The following MSL2 variants were observed in gnomAD, a reference collection of about 807,000 sequenced individuals.
MSL2 encodes E3 ubiquitin-protein ligase MSL2.
A neutral mutation model predicts 35.8 loss-of-function variants in MSL2; 2 were observed. The observed-to-expected ratio is 0.06, with a 90% CI of 0.02 to 0.18. The LOEUF is 0.18. Among genes scored for constraint, MSL2 ranks in the 10% least tolerant of loss-of-function variants. MSL2 has a pLI of 1.00. For missense variants in MSL2, 523 were observed against 706.7 expected, an observed-to-expected ratio of 0.74 and a Z score of 2.95; for synonymous variants, 296 against 255.7, an observed-to-expected ratio of 1.16 and a Z score of -1.50.
intron 1 of MSL2, among the ~76,000 whole-genome samples, chr3:136,161,014 G>A (rs916751516): frequency 5.9e-5 from 9 of 152,106 alleles, no homozygotes; most frequent in African/African-American, 2.2e-4. Flanking sequence ...TTGAACCCGG[G>A]AGGCGGAGGT....
intron 1 of MSL2, among the ~76,000 whole-genome samples, chr3:136,166,362 T>TG (rs1460746673): frequency 6.6e-6 from 1 of 151,856 alleles, no homozygotes; most frequent in African/African-American, 2.4e-5. Flanking sequence ...CACTCCAGCC[T>TG]GGGCGACAGA....
chr3:136,162,967 G>C (rs1228188978), intron 1 of MSL2, among the ~76,000 whole-genome samples: 7 of 148,336 alleles, frequency 4.7e-5, no homozygotes, highest in African/African-American at 1.8e-4. Context: ...TTGAGGACTT[G>C]GATTTTTTTT....
rs767380911 is a variant in MSL2, at chr3:136,194,973, G to A, written c.141C>T (p.Cys47=). 1 of 1,613,608 alleles carries A rather than the reference G, an allele frequency of 6.2e-7. No homozygotes were observed. The highest frequency in any genetic ancestry group is 1.1e-5 in the South Asian group (1 of 91,046). ...AGGGAACAATAAAAAGCGTCTCACC[G>A]CAAACACAGCACGAAAGGGACTGTC... ...YFRQSLSCCV[C]GHLLQDPIAP... The change falls in exon 1 of 2, where the codon TGC becomes TGT. Residue 47 remains cysteine (C), a splice_region_variant and synonymous_variant. Transcript: ENST00000309993.
chr3:136,187,323 C>T (rs1212277869), intron 1 of MSL2, among the ~76,000 whole-genome samples: 1 of 152,176 alleles, frequency 6.6e-6, no homozygotes, highest in Non-Finnish European at 1.5e-5. Context: ...ACTCCCACCA[C>T]TCTATTCAAG....
chr3:136,166,467 A>G (rs969324049), intron 1 of MSL2, among the ~76,000 whole-genome samples: 11 of 152,196 alleles, frequency 7.2e-5, no homozygotes, highest in African/African-American at 2.2e-4. Context: ...TTGTTAAGTA[A>G]TATTTTTTTG....
intron 1 of MSL2, among the ~76,000 whole-genome samples, chr3:136,187,013 T>C (rs1331493626): frequency 6.6e-6 from 1 of 152,206 alleles, no homozygotes; most frequent in Non-Finnish European, 1.5e-5. Context: ...CCATACATGT[T>C]CAGCATAGTT....
intron 1 of MSL2, among the ~76,000 whole-genome samples, chr3:136,183,431 GTTTTT>G (rs201934743): frequency 1.3e-5 from 2 of 150,714 alleles, no homozygotes; most frequent in African/African-American, 2.4e-5. Flanking sequence ...TTGTTTTTTG[GTTTTT>G]TTTTGAGACA....
At chr3:136,159,529 ATTT>A (rs71624086) in intron 1 of MSL2, among the ~76,000 whole-genome samples, 3 of 135,890 alleles carry the variant, frequency 2.2e-5, no homozygotes, top group Non-Finnish European at 1.6e-5. Context: ...ACGCCCAGCT[ATTT>A]TTTTTTTTTT....
rs1329678162 is a variant in MSL2, at chr3:136,196,043, T to G, written c.-930A>C. ...CGACGGCCGCCGCCGCCCTCAGCAC[T>G]CCCCGGCCGCGGAAGGCAAGCGCTC... On this transcript the variant is annotated 5_prime_UTR_variant, in exon 1 of 2. Transcript: ENST00000309993. 1.9e-5 allele frequency: 3 copies of G among 159,090 alleles called. No individual in the cohort carries two copies. The South Asian group carries it at 5.4e-4, about 29-fold the overall frequency. 9.9% of individuals were successfully genotyped at this position (159,090 alleles called of 1,614,324 possible).
chr3:136,178,315 T>G (rs947048373), intron 1 of MSL2, among the ~76,000 whole-genome samples: 2 of 152,214 alleles, frequency 1.3e-5, no homozygotes, highest in Non-Finnish European at 2.9e-5. Flanking sequence ...TGTAGGCTGA[T>G]TAATTAGGCA....
intron 1 of MSL2, among the ~76,000 whole-genome samples, chr3:136,188,439 GAAA>G (rs35989218): frequency 9.9e-6 from 1 of 101,308 alleles, no homozygotes; most frequent in Non-Finnish European, 2.1e-5. Flanking sequence ...TCTGGAAGAA[GAAA>G]AAAAAAAAAA....
At chr3:136,162,441 T>A (rs901793200) in intron 1 of MSL2, among the ~76,000 whole-genome samples, 3 of 151,922 alleles carry the variant, frequency 2.0e-5, no homozygotes, top group African/African-American at 7.3e-5. Flanking sequence ...AAATTAGCCA[T>A]GGACGCTGGC....
At chr3:136,166,961 G>T (rs975275875) in intron 1 of MSL2, among the ~76,000 whole-genome samples, 1 of 152,156 alleles carries the variant, frequency 6.6e-6, no homozygotes, top group Non-Finnish European at 1.5e-5. Flanking sequence ...TCTGAAGCAA[G>T]ATTTTTTAAT....
intron 1 of MSL2, among the ~76,000 whole-genome samples, chr3:136,161,872 A>G (rs1261495766): frequency 1.3e-5 from 2 of 152,196 alleles, no homozygotes; most frequent in Admixed American, 6.5e-5. Context: ...AGGATCCCTT[A>G]AAGAGTGTCC....
At chr3:136,189,762 C>G (rs1366701970) in intron 1 of MSL2, among the ~76,000 whole-genome samples, 2 of 143,978 alleles carry the variant, frequency 1.4e-5, no homozygotes, top group African/African-American at 5.1e-5. Flanking sequence ...GATCAGAAAA[C>G]AGGTAAACTA....
chr3:136,194,860 A>G, intron 1 of MSL2, 112 bp downstream of exon 1: 3 of 1,502,986 alleles, frequency 2.0e-6, no homozygotes, highest in Non-Finnish European at 2.7e-6. Flanking sequence ...AGCGCTGCAC[A>G]AATAACAAAA....
chr3:136,165,007 G>A (rs1939803442), intron 1 of MSL2, among the ~76,000 whole-genome samples: 1 of 151,932 alleles, frequency 6.6e-6, no homozygotes, highest in Non-Finnish European at 1.5e-5. Flanking sequence ...CCGAGCAGCT[G>A]GGACCACAGG....
In MSL2 at chr3:136,195,873, G is replaced by C. The variant is rs9845788; in HGVS notation, c.-760C>G. Reference sequence around the variant, plus strand: ...CGGGCCGCCGCCGGCGGGCGGGAGGGGGCGGGGGGCAAGCCCGGCCGGGCC... The same window carrying C: ...CGGGCCGCCGCCGGCGGGCGGGAGGCGGCGGGGGGCAAGCCCGGCCGGGCC... On this transcript the variant is annotated 5_prime_UTR_variant, in exon 1 of 2. Transcript: ENST00000309993. 3 of 967,804 alleles carry C rather than the reference G, an allele frequency of 3.1e-6. No individual in the cohort carries two copies. The highest frequency in any genetic ancestry group is 1.2e-6 in the Non-Finnish European group (1 of 814,998). 60.0% of individuals were successfully genotyped at this position (967,804 alleles called of 1,614,324 possible). A position where few individuals can be genotyped will look rare whatever the true frequency, so the allele number is the denominator to read the frequency against.
intron 1 of MSL2, among the ~76,000 whole-genome samples, chr3:136,185,632 G>A (rs183432147): frequency 2.0e-5 from 3 of 151,930 alleles, no homozygotes; most frequent in Admixed American, 2.0e-4. Context: ...CGCCTCCTGG[G>A]TTCAAGCAAT....
Sources: allele counts gnomAD v4.1 joint callset (sites outside exome capture counted in the v4.1 genomes callset), GRCh38; gene constraint gnomAD v4.1.1; transcripts MANE v1.5; gene names NCBI Gene and HGNC (gene_info 2026-07-23, HGNC 2026-07-21).